Variants in LIMK1 observed in about 807,000 individuals in gnomAD.
LIMK1 encodes LIM domain kinase 1, also known as LIM motif-containing protein kinase.
Under a neutral mutation model 77.6 loss-of-function variants are expected in LIMK1, and 21 were observed. That is an observed-to-expected ratio of 0.27 (90% CI 0.19 to 0.39). LIMK1 has a LOEUF of 0.39. Ranked by LOEUF, LIMK1 falls within the 10% of genes least tolerant of loss-of-function variation. The pLI, the probability that LIMK1 is intolerant of heterozygous loss-of-function variation, is 1.00. For missense variants in LIMK1, 696 were observed against 901.6 expected, an observed-to-expected ratio of 0.77 and a Z score of 2.92; for synonymous variants, 358 against 370.0, an observed-to-expected ratio of 0.97 and a Z score of 0.37.
Position 74,120,902 on chromosome 7 carries a change from G to T in LIMK1, c.1634G>T (p.Arg545Leu). 1 of 1,614,126 alleles carries T rather than the reference G, an allele frequency of 6.2e-7. No homozygotes were observed. The highest frequency in any genetic ancestry group is 1.7e-5 in the Admixed American group (1 of 60,010). ...CCTTGTACTGGACAGATCATCGGGCGGGTGAACGCAGACCCTGACTACCTG... is the reference window on the plus strand; with the variant it reads ...CCTTGTACTGGACAGATCATCGGGCTGGTGAACGCAGACCCTGACTACCTG... Reference protein sequence around the residue: ...FGIVLCEIIGRVNADPDYLPR... With the variant: ...FGIVLCEIIGLVNADPDYLPR... The change falls in exon 15 of 16, where the codon CGG (arginine) becomes CTG (leucine). Residue 545 changes from arginine to leucine, a missense_variant. Arg to Leu is a moderately radical substitution (Grantham distance 102, BLOSUM62 -2). Coordinates refer to ENST00000336180, the MANE Select transcript of LIMK1 (RefSeq NM_002314.4).
intron 11 of LIMK1, 84 bp downstream of exon 11, chr7:74,111,791 G>A: frequency 2.0e-6 from 3 of 1,472,782 alleles, no homozygotes; most frequent in Middle Eastern, 1.7e-4. Context: ...TTGAAAGAGG[G>A]CAGAGGGGGT....
intron 5 of LIMK1, among the ~76,000 whole-genome samples, chr7:74,100,902 A>AT (rs1318921797): frequency 1.2e-4 from 17 of 147,772 alleles, no homozygotes; most frequent in South Asian, 2.1e-4. Flanking sequence ...TGCCCGGCTA[A>AT]TTTTTTTTTT....
In LIMK1 at chr7:74,120,630, C is replaced by T. The variant is rs1554700385; in HGVS notation, c.1615C>T (p.Leu539=). 3.7e-6 allele frequency: 6 copies of T among 1,614,104 alleles called. No homozygotes were observed. In the South Asian group the frequency reaches 6.6e-5, roughly 18 times the overall value. Residue 539 remains leucine, a synonymous_variant, in exon 14 of 16, where the codon CTG becomes TTG. Coordinates refer to ENST00000336180, the MANE Select transcript of LIMK1 (RefSeq NM_002314.4). ...KVDVFSFGIV[L]CEIIGRVNAD... is the part of the protein sequence containing the mutation. ...GGATGTGTTCTCCTTTGGGATCGTC[C>T]TGTGCGAGGTAGGTCCAGGGTTGGG...
chr7:74,104,989 C>G (rs1351041834), intron 5 of LIMK1, among the ~76,000 whole-genome samples: 1 of 152,212 alleles, frequency 6.6e-6, no homozygotes, highest in Non-Finnish European at 1.5e-5. Flanking sequence ...GAGTCTCGCT[C>G]TGTCCACCCA....
chr7:74,112,571 T>A (rs1277760092), intron 12 of LIMK1, among the ~76,000 whole-genome samples: 1 of 151,902 alleles, frequency 6.6e-6, no homozygotes. Context: ...TCCCAACACT[T>A]TGGGAGGCCG....
chr7:74,090,425 T>C (rs748599910), intron 2 of LIMK1, among the ~76,000 whole-genome samples: 119 of 151,584 alleles, frequency 7.9e-4, no homozygotes, highest in Middle Eastern at 3.5e-3. Context: ...GTAAGAGCCA[T>C]GGCTTCTACC....
At chr7:74,094,727 T>A (rs1233626216) in intron 2 of LIMK1, among the ~76,000 whole-genome samples, 1 of 151,640 alleles carries the variant, frequency 6.6e-6, no homozygotes, top group Non-Finnish European at 1.5e-5. Flanking sequence ...CCAACTTCCG[T>A]CCTCCGCCCC....
intron 9 of LIMK1, among the ~76,000 whole-genome samples, chr7:74,108,182 T>A (rs963380517): frequency 2.0e-5 from 3 of 151,028 alleles, no homozygotes; most frequent in Non-Finnish European, 4.4e-5. Context: ...TACAAAAAAA[T>A]TTTAAATTAA....
intron 2 of LIMK1, among the ~76,000 whole-genome samples, chr7:74,094,546 T>G (rs1204800273): frequency 6.6e-6 from 1 of 151,658 alleles, no homozygotes; most frequent in Non-Finnish European, 1.5e-5. Flanking sequence ...ACCGAGGTCA[T>G]GTGTGATCGG....
At chr7:74,115,647 TG>T in intron 12 of LIMK1, 154 bp from the exon 13 acceptor site, 1 of 713,230 alleles carries the variant, frequency 1.4e-6, no homozygotes, top group Non-Finnish European at 2.3e-6. Flanking sequence ...CGGATGGGTT[TG>T]GGGAAGGAAG....
chr7:74,107,258 C>T (rs1382171380), intron 8 of LIMK1, 65 bp downstream of exon 8: 2 of 1,491,520 alleles, frequency 1.3e-6, no homozygotes, highest in Non-Finnish European at 1.8e-6. Context: ...CCTTCCTTCC[C>T]AGTCTATGGA....
At chr7:74,119,780 C>T (rs782212130) in intron 13 of LIMK1, among the ~76,000 whole-genome samples, 2 of 151,794 alleles carry the variant, frequency 1.3e-5, no homozygotes, top group Admixed American at 6.6e-5. Context: ...TGGTGGCAGG[C>T]GCCTGTAATC....
In LIMK1 at chr7:74,102,238, A is replaced by G. The variant is rs190748582; in HGVS notation, c.608+3000A>G. Among the ~76,000 whole-genome samples, 458 of 152,206 alleles carry G rather than the reference A, an allele frequency of 3.0e-3. 2 individuals carry two copies. The highest frequency in any genetic ancestry group is 4.3e-3 in the Non-Finnish European group (295 of 68,024). On this transcript the variant is annotated intron_variant, in intron 5 of 15. Transcript: ENST00000336180. The stretch of plus-strand genomic sequence containing the variant: ...TTTATAGAAAATTTGCTAAAATAAT[A>G]AGTCCATTGAATACATACACACCCT...
At position 74,108,781 on chromosome 7, in the gene LIMK1, G is replaced by C. The variant is rs527712994; in HGVS notation, c.1153-124G>C. 812 of 1,450,062 alleles carry C rather than the reference G, an allele frequency of 5.6e-4. 11 individuals are homozygous for C. In the South Asian group the frequency reaches 8.4e-3, roughly 15 times the overall value. The allele number at this position is 1,450,062 out of a possible 1,614,324, so 89.8% of individuals were successfully genotyped here. ...AGGGTGTGGCAGAGGCAGGAGAGGG[G>C]AGCTGGGGGTTCCGTATCTTTGAGA... On this transcript the variant is annotated intron_variant, in intron 9 of 15. Coordinates refer to ENST00000336180, the MANE Select transcript of LIMK1 (RefSeq NM_002314.4).
rs549946315 is a variant in LIMK1, at chr7:74,087,751, G to A, written c.152+1907G>A. On this transcript the variant is annotated intron_variant, in intron 2 of 15. Transcript: ENST00000336180. Reference sequence around the variant, plus strand: ...ATTACAGGTGTGCACCACCACGCCCGGCTAAGTTTTGTATTTTCAGTAGAG... The same window carrying A: ...ATTACAGGTGTGCACCACCACGCCCAGCTAAGTTTTGTATTTTCAGTAGAG... Among the ~76,000 whole-genome samples, 18 of 151,986 alleles carry A rather than the reference G, an allele frequency of 1.2e-4. 1 individual carries two copies. Among genetic ancestry groups the A allele is most frequent in the Middle Eastern group, 6.8e-3 (2 of 294 alleles).
chr7:74,112,088 C>T, intron 12 of LIMK1, 90 bp downstream of exon 12: 1 of 1,047,688 alleles, frequency 9.5e-7, no homozygotes, highest in Non-Finnish European at 1.4e-6. Flanking sequence ...AACTGGAGGC[C>T]CCTCCATGTT....
chr7:74,097,960 A>T (rs1366266401), intron 4 of LIMK1, among the ~76,000 whole-genome samples: 1 of 152,194 alleles, frequency 6.6e-6, no homozygotes, highest in Non-Finnish European at 1.5e-5. Context: ...CAGTTTTATT[A>T]TGAAGGACAC....
intron 10 of LIMK1, chr7:74,109,531 G>C (rs1318128284): frequency 2.5e-5 from 4 of 161,844 alleles, no homozygotes; most frequent in Non-Finnish European, 4.1e-5. Context: ...GACCAGCCTG[G>C]CCAACATGGT....
intron 2 of LIMK1, among the ~76,000 whole-genome samples, chr7:74,089,155 C>T (rs1320537680): frequency 2.6e-5 from 4 of 152,190 alleles, no homozygotes; most frequent in East Asian, 1.9e-4. Flanking sequence ...TCAAGTGCCT[C>T]GCTGAAGGTT....
Sources: gnomAD v4.1 joint callset for allele counts (sites outside exome capture counted in the v4.1 genomes callset) on GRCh38, gnomAD v4.1.1 for gene constraint, MANE v1.5 for transcripts, NCBI Gene and HGNC (gene_info 2026-07-23, HGNC 2026-07-21) for gene names.